The following ALKBH3 variants were observed in gnomAD, a reference collection of about 807,000 sequenced individuals.
The protein encoded by ALKBH3 is alkB homolog 3, alpha-ketoglutarate dependent dioxygenase.
In ALKBH3, 51 loss-of-function variants were observed where a neutral mutation model predicts 43.9. That is an observed-to-expected ratio of 1.16 (90% CI 0.93 to 1.47). ALKBH3 has a LOEUF of 1.47. Among genes scored for constraint, ALKBH3 ranks in the 40% most tolerant of loss-of-function variants. ALKBH3 has a pLI of 0.00. For synonymous variants in ALKBH3, 102 were observed against 115.2 expected (o/e 0.89, Z 0.73); for missense variants, 361 against 351.9 (o/e 1.03, Z -0.21).
intron 6 of ALKBH3, among the ~76,000 whole-genome samples, chr11:43,891,426 A>G (rs1039403116): frequency 1.3e-5 from 2 of 152,210 alleles, no homozygotes; most frequent in Non-Finnish European, 2.9e-5. Context: ...TTCAGTGAGT[A>G]TTAGCTGCTG....
chr11:43,886,755 A>T, intron 5 of ALKBH3, 102 bp downstream of exon 5: 2 of 1,084,184 alleles, frequency 1.8e-6, no homozygotes, highest in Non-Finnish European at 2.8e-6. Context: ...CATATACATT[A>T]TGGAATACTA....
chr11:43,895,497 CCT>C (rs1331924550), intron 7 of ALKBH3, among the ~76,000 whole-genome samples: 1 of 152,158 alleles, frequency 6.6e-6, no homozygotes, highest in African/African-American at 2.4e-5. Context: ...GTCCATTGAA[CCT>C]CTTTTTGTTG....
rs542570191 is a variant in ALKBH3 at position 43,882,651 on chromosome 11, A to C, written c.-2A>C. ...CTCGGAGCAGAAGCCTTTTTGGTCA[A>C]CATGGAGGAAAAAAGACGGCGAGCC... On this transcript the variant is annotated 5_prime_UTR_variant, in exon 2 of 10. Transcript: ENST00000302708. 3.5e-5 allele frequency: 56 copies of C among 1,612,784 alleles called. No homozygotes were observed. The highest frequency in any genetic ancestry group is 4.4e-5 in the Non-Finnish European group (52 of 1,179,690).
intron 7 of ALKBH3, among the ~76,000 whole-genome samples, chr11:43,899,800 A>G (rs1333062140): frequency 6.6e-6 from 1 of 152,170 alleles, no homozygotes; most frequent in Non-Finnish European, 1.5e-5. Context: ...GCACAAAATC[A>G]AACCAGAGCA....
intron 3 of ALKBH3, among the ~76,000 whole-genome samples, chr11:43,883,557 A>G (rs1156475879): frequency 6.6e-6 from 1 of 152,142 alleles, no homozygotes; most frequent in Non-Finnish European, 1.5e-5. Flanking sequence ...AAAATGCCTG[A>G]TTTTTAGCCC....
intron 1 of ALKBH3, 138 bp downstream of exon 1, chr11:43,881,317 A>C (rs1422016682): frequency 1.3e-5 from 2 of 152,262 alleles, no homozygotes; most frequent in African/African-American, 2.4e-5. Context: ...TCCTGGGTTG[A>C]GGGTGGCGTT....
intron 7 of ALKBH3, chr11:43,899,304 G>A (rs947060339): frequency 4.3e-6 from 3 of 701,046 alleles, no homozygotes; most frequent in South Asian, 4.3e-5. Flanking sequence ...ACGTGGCCGG[G>A]CCTCTGCATC....
intron 7 of ALKBH3, among the ~76,000 whole-genome samples, chr11:43,896,469 A>G (rs1951819993): frequency 6.6e-6 from 1 of 152,204 alleles, no homozygotes; most frequent in Non-Finnish European, 1.5e-5. Context: ...AGAACGACGT[A>G]GGCTGGGAGG....
At chr11:43,906,534 C>T (rs1185122650) in intron 8 of ALKBH3, among the ~76,000 whole-genome samples, 1 of 152,126 alleles carries the variant, frequency 6.6e-6, no homozygotes, top group Non-Finnish European at 1.5e-5. Context: ...GTGATTATAG[C>T]ACCTACTCTA....
chr11:43,916,438 A>C (rs1172753674), intron 8 of ALKBH3, among the ~76,000 whole-genome samples: 2 of 152,184 alleles, frequency 1.3e-5, no homozygotes, highest in Non-Finnish European at 2.9e-5. Flanking sequence ...AAGTATTTGG[A>C]AAACCAAGAA....
At chr11:43,884,125 C>CT in intron 4 of ALKBH3, 108 bp downstream of exon 4, 1 of 1,317,440 alleles carries the variant, frequency 7.6e-7, no homozygotes, top group South Asian at 1.2e-5. Flanking sequence ...CAATAAGTGT[C>CT]TTAACTGTAG....
intron 8 of ALKBH3, among the ~76,000 whole-genome samples, chr11:43,911,716 T>A (rs1951940199): frequency 6.6e-6 from 1 of 152,234 alleles, no homozygotes; most frequent in African/African-American, 2.4e-5. Flanking sequence ...TTAAATTACT[T>A]GCCCAAGATG....
chr11:43,910,063 G>GTAT (rs1316261742), intron 8 of ALKBH3: 3 of 152,136 alleles, frequency 2.0e-5, no homozygotes, highest in African/African-American at 4.8e-5. Flanking sequence ...ACTTGCCCAT[G>GTAT]TATTACCTGC....
At chr11:43,899,533 T>C (rs1436136647) in intron 7 of ALKBH3, 2 of 684,178 alleles carry the variant, frequency 2.9e-6, no homozygotes, top group African/African-American at 3.6e-5. Context: ...CTCCAGCCAG[T>C]CTCACTCCAG....
Position 43,898,865 on chromosome 11 carries a change from A to C in ALKBH3, c.460-2651A>C. 3 of 761,734 alleles carry C rather than the reference A, an allele frequency of 3.9e-6. No individual in the cohort carries two copies. In the East Asian group the frequency reaches 7.3e-5, roughly 19 times the overall value. 47.2% of individuals were successfully genotyped at this position (761,734 alleles called of 1,614,324 possible). ...CCTGGAGGCCTGCTGGATTACATTG[A>C]TAGATTATTTCAGATTTCCTGAGTG... On this transcript the variant is annotated intron_variant, in intron 7 of 9. Coordinates refer to ENST00000302708, the MANE Select transcript of ALKBH3 (RefSeq NM_139178.4).
chr11:43,898,151 C>T, intron 7 of ALKBH3: 1 of 1,212,786 alleles, frequency 8.2e-7, no homozygotes, highest in Non-Finnish European at 1.2e-6. Flanking sequence ...AAACTAGATG[C>T]TGACTACATC....
chr11:43,904,906 G>A (rs537296972), intron 8 of ALKBH3, among the ~76,000 whole-genome samples: 10 of 152,216 alleles, frequency 6.6e-5, no homozygotes, highest in African/African-American at 2.4e-4. Flanking sequence ...ATCTCAGTGT[G>A]CTACTACAGA....
chr11:43,911,852 G>A (rs949441646), intron 8 of ALKBH3, among the ~76,000 whole-genome samples: 4 of 152,164 alleles, frequency 2.6e-5, no homozygotes, highest in South Asian at 2.1e-4. Context: ...GCCAGGCGCC[G>A]TGGCTCATGC....
chr11:43,907,038 A>G (rs1951900504), intron 8 of ALKBH3, among the ~76,000 whole-genome samples: 1 of 152,198 alleles, frequency 6.6e-6, no homozygotes, highest in African/African-American at 2.4e-5. Flanking sequence ...TAGCAATGAA[A>G]CTAAACTCCA....
Sources: allele counts gnomAD v4.1 joint callset (sites outside exome capture counted in the v4.1 genomes callset), GRCh38; gene constraint gnomAD v4.1.1; transcripts MANE v1.5; gene names NCBI Gene and HGNC (gene_info 2026-07-23, HGNC 2026-07-21).